The following FHIT variants were observed in gnomAD, a reference collection of about 807,000 sequenced individuals.
FHIT encodes the protein fragile histidine triad diadenosine triphosphatase.
A neutral mutation model predicts 17.9 loss-of-function variants in FHIT; 19 were observed. The ratio of observed to expected loss-of-function variants is 1.06; its 90% CI spans 0.74 to 1.56. The LOEUF (loss-of-function observed/expected upper bound fraction) is 1.56. Among genes scored for constraint, FHIT ranks in the 40% most tolerant of loss-of-function variants. FHIT has a pLI of 0.00. For missense variants in FHIT, 248 were observed against 189.2 expected (o/e 1.31, Z -1.82); for synonymous variants, 81 against 69.7 (o/e 1.16, Z -0.81).
intron 8 of FHIT, among the ~76,000 whole-genome samples, chr3:59,870,746 G>T (rs1702879165): frequency 6.6e-6 from 1 of 152,160 alleles, no homozygotes; most frequent in Non-Finnish European, 1.5e-5. Context: ...AAAAGCACTA[G>T]GTACTATTTG....
intron 7 of FHIT, among the ~76,000 whole-genome samples, chr3:59,991,757 C>A (rs144824995): frequency 6.6e-6 from 1 of 152,164 alleles, no homozygotes; most frequent in Non-Finnish European, 1.5e-5. Flanking sequence ...TGATCCTCTT[C>A]ACACAGCCAT....
At chr3:60,393,155 A>C (rs1346930786) in intron 5 of FHIT, among the ~76,000 whole-genome samples, 2 of 151,996 alleles carry the variant, frequency 1.3e-5, no homozygotes, top group African/African-American at 2.4e-5. Flanking sequence ...ATTTTTCTTC[A>C]GTTAATAATG....
At chr3:59,935,173 G>A (rs1043517889) in intron 7 of FHIT, among the ~76,000 whole-genome samples, 10 of 152,136 alleles carry the variant, frequency 6.6e-5, no homozygotes, top group Non-Finnish European at 1.2e-4. Flanking sequence ...GGTGGGAAGG[G>A]ACAGTGCCTT....
chr3:60,712,922 C>T (rs79347586), intron 4 of FHIT, among the ~76,000 whole-genome samples: 128,558 of 142,722 alleles, frequency 0.9, 58,639 homozygotes, highest in East Asian at 1. Flanking sequence ...CTGCAGCAAG[C>T]GGACCTAATA....
intron 5 of FHIT, among the ~76,000 whole-genome samples, chr3:60,259,162 C>G (rs1288866145): frequency 1.3e-5 from 2 of 152,022 alleles, no homozygotes; most frequent in Non-Finnish European, 2.9e-5. Context: ...ATAGGAATCT[C>G]TGCAGCAGGC....
intron 8 of FHIT, among the ~76,000 whole-genome samples, chr3:59,871,800 T>A (rs1559684361): frequency 6.6e-6 from 1 of 152,208 alleles, no homozygotes; most frequent in Non-Finnish European, 1.5e-5. Flanking sequence ...CATAGAGTTG[T>A]TTCTCACAAG....
intron 5 of FHIT, among the ~76,000 whole-genome samples, chr3:60,345,679 A>G (rs1710740599): frequency 6.6e-6 from 1 of 152,232 alleles, no homozygotes; most frequent in Non-Finnish European, 1.5e-5. Context: ...ACCTTCCATT[A>G]TGGACCTTTT....
intron 8 of FHIT, among the ~76,000 whole-genome samples, chr3:59,888,117 G>C (rs551070903): frequency 6.6e-6 from 1 of 152,054 alleles, no homozygotes; most frequent in Admixed American, 6.5e-5. Flanking sequence ...TGTTGCCATC[G>C]GGGCACTCTG....
intron 3 of FHIT, among the ~76,000 whole-genome samples, chr3:60,860,948 G>A (rs1369300380): frequency 2.0e-5 from 2 of 100,614 alleles, no homozygotes; most frequent in Non-Finnish European, 4.2e-5. Flanking sequence ...ATGTATATAT[G>A]ATACATATAT....
intron 5 of FHIT, among the ~76,000 whole-genome samples, chr3:60,250,654 T>C (rs1321871912): frequency 6.6e-6 from 1 of 152,200 alleles, no homozygotes; most frequent in Non-Finnish European, 1.5e-5. Flanking sequence ...ATCTTGAAGA[T>C]TTCTGGAGGA....
intron 3 of FHIT, among the ~76,000 whole-genome samples, chr3:60,917,621 G>T (rs1338897997): frequency 6.6e-6 from 1 of 152,110 alleles, no homozygotes; most frequent in Non-Finnish European, 1.5e-5. Context: ...CAGCTAAAAG[G>T]TTAGACCCCC....
rs893604002 is a variant in FHIT, at chr3:60,842,913, A to G, written c.-110-20902T>C. On this transcript the variant is annotated intron_variant, in intron 3 of 9. Transcript: ENST00000492590. The stretch of plus-strand genomic sequence containing the variant: ...CCTTAAAATTGTCAGGGGTGCTATT[A>G]AGTACTTAGGGTTCCCCACTATTCT... Among the ~76,000 whole-genome samples, 6 of 152,086 alleles carry G rather than the reference A, an allele frequency of 3.9e-5. No homozygotes were observed. The East Asian group carries it at 1.2e-3, about 29-fold the overall frequency.
At chr3:60,750,802 G>T (rs1575477915) in intron 4 of FHIT, among the ~76,000 whole-genome samples, 1 of 152,146 alleles carries the variant, frequency 6.6e-6, no homozygotes, top group Non-Finnish European at 1.5e-5. Context: ...ACCAGGCATG[G>T]TTCCTGCTTA....
At chr3:61,140,328 A>G (rs1355890884) in intron 2 of FHIT, among the ~76,000 whole-genome samples, 1 of 152,218 alleles carries the variant, frequency 6.6e-6, no homozygotes, top group East Asian at 1.9e-4. Flanking sequence ...AATATAGAAT[A>G]AGTAAGGAGA....
chr3:60,055,898 A>G lies in FHIT; in HGVS notation c.104-41746T>C, dbSNP rs182890316. 5.3e-5 allele frequency among the ~76,000 whole-genome samples: 8 copies of G among 152,326 alleles called. No homozygotes were observed. In the East Asian group the frequency reaches 1.5e-3, roughly 29 times the overall value. On this transcript the variant is annotated intron_variant, in intron 5 of 9. Coordinates refer to ENST00000492590, the MANE Select transcript of FHIT (RefSeq NM_002012.4). ...CGAAGGTACCAAACAAGTGGCTCCT[A>G]AGGACTCAGTAAACATTCCTGTCAG...
chr3:59,899,582 C>A (rs1360558532), intron 8 of FHIT, among the ~76,000 whole-genome samples: 1 of 152,102 alleles, frequency 6.6e-6, no homozygotes, highest in African/African-American at 2.4e-5. Flanking sequence ...ACCTATAATC[C>A]TAGCAGTTTG....
chr3:59,811,932 T>G (rs972970919), intron 8 of FHIT, among the ~76,000 whole-genome samples: 3 of 152,186 alleles, frequency 2.0e-5, no homozygotes, highest in Non-Finnish European at 4.4e-5. Context: ...CCCAGCTGAA[T>G]AGGAAGCCTT....
chr3:60,712,239 T>C lies in FHIT; in HGVS notation c.-18+109680A>G, dbSNP rs540589197. ...GACAAGCAAATGCTGAGAGATTTTG[T>C]CACCACCAGGCTGCCCTAAAAGAGC... On this transcript the variant is annotated intron_variant, in intron 4 of 9. Transcript: ENST00000492590. Among the ~76,000 whole-genome samples, 293 of 152,240 alleles carry C rather than the reference T, an allele frequency of 1.9e-3. 2 individuals are homozygous for C. Among genetic ancestry groups the C allele is most frequent in the Non-Finnish European group, 3.6e-3 (245 of 68,008 alleles).
At chr3:60,335,711 T>C (rs1041743007) in intron 5 of FHIT, among the ~76,000 whole-genome samples, 1 of 152,192 alleles carries the variant, frequency 6.6e-6, no homozygotes, top group East Asian at 1.9e-4. Context: ...TGTTTTTATA[T>C]TGACCACATT....
Sources: gnomAD v4.1 joint callset for allele counts (sites outside exome capture counted in the v4.1 genomes callset) on GRCh38, gnomAD v4.1.1 for gene constraint, MANE v1.5 for transcripts, NCBI Gene and HGNC (gene_info 2026-07-23, HGNC 2026-07-21) for gene names.